Variants in DST observed in about 807,000 individuals in gnomAD.
DST encodes the protein dystonin, also known as bullous pemphigoid antigen.
A neutral mutation model predicts 875.2 loss-of-function variants in DST; 253 were observed. The ratio of observed to expected loss-of-function variants is 0.29; its 90% CI spans 0.26 to 0.32. The LOEUF (loss-of-function observed/expected upper bound fraction) is 0.32, where lower values mean the gene tolerates loss of function less well. DST is among the 10% of genes least tolerant of loss of function. The pLI is 1.00. For missense variants in DST, 8,287 were observed against 9,111.6 expected (o/e 0.91, Z 3.68); for synonymous variants, 3,124 against 3,197.1 (o/e 0.98, Z 0.77).
intron 69 of DST, among the ~76,000 whole-genome samples, chr6:56,520,435 G>T (rs1406277859): frequency 6.6e-6 from 1 of 152,082 alleles, no homozygotes; most frequent in South Asian, 2.1e-4. Context: ...GGCTCACAGA[G>T]CAGCATGAAG....
At chr6:56,721,292 C>T (rs1026703918) in intron 5 of DST, among the ~76,000 whole-genome samples, 6 of 152,256 alleles carry the variant, frequency 3.9e-5, no homozygotes, top group Non-Finnish European at 8.8e-5. Flanking sequence ...ACATGCTCTA[C>T]AATTTGTGCA....
At chr6:56,711,984 G>A (rs1482181312) in intron 5 of DST, among the ~76,000 whole-genome samples, 3 of 149,110 alleles carry the variant, frequency 2.0e-5, no homozygotes, top group Admixed American at 6.7e-5. Flanking sequence ...CCAGCTACTC[G>A]GGAGGCTGAG....
At position 56,497,984 on chromosome 6, in the gene DST, T is replaced by G. The variant is rs757791571; in HGVS notation, c.19966A>C (p.Ile6656Leu). The G allele has an allele frequency of 2.8e-5, 45 of 1,613,428 alleles. No homozygotes were observed. The highest frequency in any genetic ancestry group is 3.8e-5 in the Non-Finnish European group (45 of 1,179,602). The change falls in exon 81 of 104, where the codon ATT becomes CTT. Residue 6656 changes from isoleucine to leucine, a missense_variant. Coordinates refer to ENST00000680361, the MANE Select transcript of DST (RefSeq NM_001374736.1). ...EAVNKAGNDL[I>L]ESSAGEEASN... Reference sequence around the variant, plus strand: ...GCTTCTTCTCCTGCACTTGATTCAATTAGATCATTTCCTGCTTTATTAACG... The same window carrying G: ...GCTTCTTCTCCTGCACTTGATTCAAGTAGATCATTTCCTGCTTTATTAACG...
At chr6:56,514,578 T>C (rs9475711) in intron 72 of DST, among the ~76,000 whole-genome samples, 100,710 of 144,766 alleles carry the variant, frequency 0.7, 35,267 homozygotes, top group Non-Finnish European at 0.75. Context: ...CACAGGCGTA[T>C]ACACACACAC....
chr6:56,635,446 A>G (rs543731781), intron 24 of DST, 143 bp downstream of exon 24: 3 of 835,688 alleles, frequency 3.6e-6, no homozygotes, highest in African/African-American at 3.4e-5. Context: ...TGCCAAAAGA[A>G]TACTAAAACT....
At position 56,786,593 on chromosome 6, in the gene DST, C is replaced by A. The variant is rs997967522; in HGVS notation, c.626-51304G>T. ...TGTCACCCAGGCTACAGTGCAGTGG[C>A]ACAATCTGGGCTAACTGCAACCTCT... On this transcript the variant is annotated intron_variant, in intron 4 of 103. Coordinates refer to ENST00000680361, the MANE Select transcript of DST (RefSeq NM_001374736.1). Among the ~76,000 whole-genome samples the A allele has an allele frequency of 6.6e-5, 10 of 152,316 alleles. No homozygotes were observed. In the South Asian group the frequency reaches 2.1e-3, roughly 32 times the overall value.
chr6:56,878,698 C>T (rs1032296868), intron 3 of DST, among the ~76,000 whole-genome samples: 1 of 152,084 alleles, frequency 6.6e-6, no homozygotes, highest in Non-Finnish European at 1.5e-5. Context: ...GGCCCTTGTC[C>T]CCTAATCCCC....
intron 4 of DST, among the ~76,000 whole-genome samples, chr6:56,778,261 G>C (rs974767220): frequency 6.6e-6 from 1 of 151,174 alleles, no homozygotes; most frequent in African/African-American, 2.4e-5. Context: ...AATTGTCCAG[G>C]TTATCATGGT....
At chr6:56,777,021 C>T (rs1460649493) in intron 4 of DST, among the ~76,000 whole-genome samples, 2 of 152,192 alleles carry the variant, frequency 1.3e-5, no homozygotes, top group Non-Finnish European at 2.9e-5. Flanking sequence ...GTCATCCTAA[C>T]ATGGTCCATT....
chr6:56,696,402 T>G (rs2099264016), intron 9 of DST, among the ~76,000 whole-genome samples: 1 of 152,182 alleles, frequency 6.6e-6, no homozygotes, highest in Non-Finnish European at 1.5e-5. Context: ...CCTCAGGTGA[T>G]CCACCTGCCT....
rs771864600 is a variant in DST at position 56,638,946 on chromosome 6, T to C, written c.2964+313A>G. The C allele has an allele frequency of 1.7e-3, 673 of 399,738 alleles. 6 individuals are homozygous for C. Among genetic ancestry groups the C allele is most frequent in the Non-Finnish European group, 1.1e-3 (242 of 216,900 alleles). 24.8% of individuals were successfully genotyped at this position (399,738 alleles called of 1,614,324 possible). On this transcript the variant is annotated intron_variant, in intron 22 of 103. Coordinates refer to ENST00000680361, the MANE Select transcript of DST (RefSeq NM_001374736.1). ...GAAAATGAGGCTTGGCAATACTATGTCACTTGTGCAATGTTACACAATCAG... is the reference window on the plus strand; with the variant it reads ...GAAAATGAGGCTTGGCAATACTATGCCACTTGTGCAATGTTACACAATCAG...
intron 2 of DST, among the ~76,000 whole-genome samples, chr6:56,938,106 CTCTATATATATA>C (rs1040751786): frequency 4.7e-4 from 14 of 30,068 alleles, no homozygotes; most frequent in African/African-American, 1.2e-3. Flanking sequence ...CTCTCTCTCT[CTCTATATATATA>C]TATATATATA....
At chr6:56,767,742 A>AGGG (rs2099637683) in intron 4 of DST, among the ~76,000 whole-genome samples, 1 of 152,158 alleles carries the variant, frequency 6.6e-6, no homozygotes, top group Non-Finnish European at 1.5e-5. Flanking sequence ...GTGGAGGTTG[A>AGGG]GGGACAAGTG....
rs770507761 is a variant in DST at position 56,607,102 on chromosome 6, G to C, written c.7526C>G (p.Ser2509Cys). 6.2e-7 allele frequency: 1 copy of C among 1,613,164 alleles called. No individual in the cohort carries two copies. The highest frequency in any genetic ancestry group is 8.5e-7 in the Non-Finnish European group (1 of 1,179,536). ...SLPGEQYGQK[S>C]LNMISSNPQV... The stretch of plus-strand genomic sequence containing the variant: ...AGGATTACTAGAAATCATATTTAAA[G>C]ATTTCTGTCCATACTGCTCTCCTGG... The change falls in exon 40 of 104, where the codon TCT becomes TGT. Residue 2509 changes from serine (S) to cysteine (C), a missense_variant. By Grantham distance (112) the Ser-to-Cys change is moderately radical (BLOSUM62 -1). This residue lies in a region of DST where 3,138 missense variants were observed against 3,116.6 expected (regional missense o/e 1.01). Coordinates refer to ENST00000680361, the MANE Select transcript of DST (RefSeq NM_001374736.1).
intron 4 of DST, among the ~76,000 whole-genome samples, chr6:56,803,982 TAA>T (rs2099750294): frequency 6.6e-6 from 1 of 152,218 alleles, no homozygotes; most frequent in Non-Finnish European, 1.5e-5. Context: ...TCACTGAATC[TAA>T]AGTCCTCAAT....
rs1316881327 is a variant in DST at position 56,868,325 on chromosome 6, C to G, written c.418-16721G>C. Among the ~76,000 whole-genome samples the G allele has an allele frequency of 2.0e-5, 3 of 152,172 alleles. No individual in the cohort carries two copies. In the East Asian group the frequency reaches 5.8e-4, roughly 29 times the overall value. ...GGGCCTTATTTCCTTAAAACAACAACTCAGGCTGGATGACTTTTGATGTTC... is the reference window on the plus strand; with the variant it reads ...GGGCCTTATTTCCTTAAAACAACAAGTCAGGCTGGATGACTTTTGATGTTC... On this transcript the variant is annotated intron_variant, in intron 3 of 103. Transcript: ENST00000680361.
chr6:56,569,004 TC>T (rs2097728880), intron 54 of DST, among the ~76,000 whole-genome samples: 1 of 152,078 alleles, frequency 6.6e-6, no homozygotes, highest in African/African-American at 2.4e-5. Context: ...CATATTTTAA[TC>T]CTAAAAATTT....
intron 4 of DST, among the ~76,000 whole-genome samples, chr6:56,787,707 T>C (rs757299192): frequency 1.3e-5 from 2 of 152,232 alleles, no homozygotes; most frequent in South Asian, 4.1e-4. Context: ...AAACTTTGTT[T>C]TAAAACAATC....
intron 1 of DST, 95 bp downstream of exon 1, chr6:56,954,312 G>A (rs1824105342): frequency 1.0e-6 from 1 of 972,314 alleles, no homozygotes; most frequent in East Asian, 6.2e-5. Context: ...TGGGGCTAGG[G>A]GCAGCCGAGG....
Sources: allele counts gnomAD v4.1 joint callset (sites outside exome capture counted in the v4.1 genomes callset), GRCh38; gene constraint gnomAD v4.1.1; regional missense constraint gnomAD v4.1.1; transcripts MANE v1.5; gene names NCBI Gene and HGNC (gene_info 2026-07-23, HGNC 2026-07-21).